The following EML4 variants were observed in gnomAD, a reference collection of about 807,000 sequenced individuals.
EML4 encodes the protein echinoderm microtubule-associated protein-like 4.
Under a neutral mutation model 129.0 loss-of-function variants are expected in EML4, and 72 were observed. The observed-to-expected ratio is 0.56, with a 90% CI of 0.46 to 0.68. The LOEUF (loss-of-function observed/expected upper bound fraction) is 0.68. EML4 is among the 30% of genes least tolerant of loss of function. The pLI is 0.00. For synonymous variants in EML4, 532 were observed against 405.0 expected (o/e 1.31, Z -3.77); for missense variants, 1,363 against 1,190.6 (o/e 1.14, Z -2.13).
chr2:42,330,862 TAATTTCTTGTGTGC>T lies in EML4; in HGVS notation c.*658_*671del. On this transcript the variant is annotated 3_prime_UTR_variant, in exon 23 of 23. Transcript: ENST00000318522. Reference sequence around the variant, plus strand: ...TAAGTCATAATGAGGAACAGTCCCTTAATTTCTTGTGTGCAACTCTGTTTTATCCTAGAACTAAG... The same window carrying T: ...TAAGTCATAATGAGGAACAGTCCCTTAACTCTGTTTTATCCTAGAACTAAG... 4.8e-6 allele frequency: 1 copy of T among 207,038 alleles called. No homozygotes were observed. Among genetic ancestry groups the T allele is most frequent in the Non-Finnish European group, 9.9e-6 (1 of 101,056 alleles). 12.8% of individuals were successfully genotyped at this position (207,038 alleles called of 1,614,324 possible).
chr2:42,277,108 CCTTT>C (rs1250276428), intron 6 of EML4, among the ~76,000 whole-genome samples: 3 of 152,098 alleles, frequency 2.0e-5, no homozygotes, highest in Non-Finnish European at 4.4e-5. Flanking sequence ...TACCTACACT[CCTTT>C]CTAAGTGGTG....
intron 6 of EML4, among the ~76,000 whole-genome samples, chr2:42,266,531 A>T (rs1294379306): frequency 1.3e-5 from 2 of 152,012 alleles, no homozygotes; most frequent in South Asian, 4.2e-4. Context: ...TATCATAGAG[A>T]TGGGGTCTCA....
rs34894922 is a variant in EML4, at chr2:42,326,175, A to G, written c.2264A>G (p.Lys755Arg). Reference sequence around the variant, plus strand: ...AAAGGGGACATTCCAAATGGCTGCAAACTAATCAGGAATCGATCGGATTGT... The same window carrying G: ...AAAGGGGACATTCCAAATGGCTGCAGACTAATCAGGAATCGATCGGATTGT... ...ILYWDIPNGC[K>R]LIRNRSDCKD... The change falls in exon 21 of 23, where the codon AAA becomes AGA. Residue 755 changes from lysine to arginine, a missense_variant. Coordinates refer to ENST00000318522, the MANE Select transcript of EML4 (RefSeq NM_019063.5). 231 of 1,613,842 alleles carry G rather than the reference A, an allele frequency of 1.4e-4. 1 individual carries two copies. The highest frequency in any genetic ancestry group is 5.5e-4 in the Admixed American group (33 of 59,982).
In EML4 at chr2:42,303,156, A is replaced by C. The variant is rs1487389019; in HGVS notation, c.1694A>C (p.Gln565Pro). Residue 565 changes from glutamine (Q) to proline (P), a missense_variant, in exon 15 of 23, where the codon CAA becomes CCA. By Grantham distance (76) the Gln-to-Pro change is moderately conservative. Coordinates refer to ENST00000318522, the MANE Select transcript of EML4 (RefSeq NM_019063.5). ...IRAVAEGKAD[Q>P]FLVGTSRNFI... ...GCTGTAGCAGAAGGAAAGGCAGATC[A>C]ATTTTTAGTAGGCACATCACGAAAC... 1.9e-6 allele frequency: 3 copies of C among 1,614,052 alleles called. No homozygotes were observed. The highest frequency in any genetic ancestry group is 2.5e-6 in the Non-Finnish European group (3 of 1,180,026).
chr2:42,293,956 TGC>T (rs1667804504), intron 11 of EML4, among the ~76,000 whole-genome samples: 1 of 152,214 alleles, frequency 6.6e-6, no homozygotes, highest in East Asian at 1.9e-4. Flanking sequence ...TAAAGTTCTT[TGC>T]TAAGTTAAAA....
chr2:42,310,379 C>T (rs1369905620), intron 17 of EML4, among the ~76,000 whole-genome samples: 2 of 151,362 alleles, frequency 1.3e-5, no homozygotes, highest in Non-Finnish European at 2.9e-5. Flanking sequence ...GAGTCTTGCT[C>T]TGTCTCCCAG....
At chr2:42,237,825 A>G (rs1042993465) in intron 1 of EML4, among the ~76,000 whole-genome samples, 4 of 152,208 alleles carry the variant, frequency 2.6e-5, no homozygotes, top group Admixed American at 1.3e-4. Flanking sequence ...CGTCATCTCA[A>G]CTACTCAACA....
Position 42,317,525 on chromosome 2 carries a change from G to A in EML4, c.2154+1G>A. Reference sequence around the variant, plus strand: ...ATATAGCAGATATGGAAGGTGCACTGTAAGTAGTGAAGTAGAACAAGTTGT... The same window carrying A: ...ATATAGCAGATATGGAAGGTGCACTATAAGTAGTGAAGTAGAACAAGTTGT... On this transcript the variant is annotated splice_donor_variant, in intron 19 of 22. Transcript: ENST00000318522. LOFTEE classifies it high-confidence loss of function. 1 of 1,584,292 alleles carries A rather than the reference G, an allele frequency of 6.3e-7. No individual in the cohort carries two copies. Among genetic ancestry groups the A allele is most frequent in the Non-Finnish European group, 8.6e-7 (1 of 1,162,390 alleles).
At chr2:42,185,623 A>C (rs1671204446) in intron 1 of EML4, among the ~76,000 whole-genome samples, 1 of 152,104 alleles carries the variant, frequency 6.6e-6, no homozygotes, top group Non-Finnish European at 1.5e-5. Context: ...TTAATAATTG[A>C]GTATGGAGAT....
chr2:42,320,154 A>G (rs1669446321), intron 19 of EML4, among the ~76,000 whole-genome samples: 1 of 152,140 alleles, frequency 6.6e-6, no homozygotes, highest in African/African-American at 2.4e-5. Context: ...CCCTTAATGA[A>G]TGATGACATC....
intron 1 of EML4, among the ~76,000 whole-genome samples, chr2:42,180,873 A>C (rs1187157113): frequency 5.9e-5 from 9 of 152,234 alleles, no homozygotes; most frequent in Non-Finnish European, 1.3e-4. Context: ...GATATGGAAC[A>C]GTTCCTTAGT....
intron 19 of EML4, among the ~76,000 whole-genome samples, chr2:42,318,251 T>C (rs1430431244): frequency 5.3e-5 from 8 of 152,242 alleles, no homozygotes; most frequent in Non-Finnish European, 8.8e-5. Flanking sequence ...TTGAATTCTT[T>C]AACACTCTTT....
intron 1 of EML4, among the ~76,000 whole-genome samples, chr2:42,185,848 T>C (rs1671217744): frequency 6.6e-6 from 1 of 152,142 alleles, no homozygotes. Context: ...TGCAGTAATC[T>C]AGGAGAGACA....
intron 1 of EML4, among the ~76,000 whole-genome samples, chr2:42,242,470 A>C (rs1675099521): frequency 6.6e-6 from 1 of 152,148 alleles, no homozygotes; most frequent in African/African-American, 2.4e-5. Flanking sequence ...AGGTAGTTAG[A>C]ACCACCTTTA....
chr2:42,269,024 T>C (rs1666223327), intron 6 of EML4, among the ~76,000 whole-genome samples: 1 of 152,182 alleles, frequency 6.6e-6, no homozygotes, highest in African/African-American at 2.4e-5. Flanking sequence ...GCCTCCCTGC[T>C]CTAGGATTAG....
chr2:42,205,321 A>C (rs1371073474), intron 1 of EML4, among the ~76,000 whole-genome samples: 1 of 152,226 alleles, frequency 6.6e-6, no homozygotes, highest in African/African-American at 2.4e-5. Flanking sequence ...TAGTGTTGAC[A>C]GATCAACACT....
intron 1 of EML4, among the ~76,000 whole-genome samples, chr2:42,185,037 A>G (rs371310776): frequency 4.4e-4 from 67 of 152,266 alleles, no homozygotes; most frequent in African/African-American, 4.8e-4. Context: ...CCTTTGTGCA[A>G]TGATACATCT....
chr2:42,315,880 C>CAA (rs200655876), intron 17 of EML4, 82 bp from the exon 18 acceptor site: 53 of 889,210 alleles, frequency 6.0e-5, no homozygotes, highest in Non-Finnish European at 7.7e-5. Context: ...GACTCCATCT[C>CAA]AAAAAAAAAA....
chr2:42,257,642 T>A (rs1397671197), intron 3 of EML4, among the ~76,000 whole-genome samples: 1 of 152,148 alleles, frequency 6.6e-6, no homozygotes, highest in Admixed American at 6.5e-5. Context: ...GAGACCATCC[T>A]GGCTAACACG....
Sources: gnomAD v4.1 joint callset for allele counts (sites outside exome capture counted in the v4.1 genomes callset) on GRCh38, gnomAD v4.1.1 for gene constraint, MANE v1.5 for transcripts, NCBI Gene and HGNC (gene_info 2026-07-23, HGNC 2026-07-21) for gene names.